ARHGAP6: variants seen among roughly 807,000 people sequenced by gnomAD.
ARHGAP6 encodes the protein Rho GTPase activating protein 6.
In ARHGAP6, 16 loss-of-function variants were observed where a neutral mutation model predicts 55.7. The ratio of observed to expected loss-of-function variants is 0.29; its 90% CI spans 0.19 to 0.44. The LOEUF (loss-of-function observed/expected upper bound fraction) is 0.44, where lower values mean the gene tolerates loss of function less well. ARHGAP6 is among the 20% of genes least tolerant of loss of function. The pLI, the probability that ARHGAP6 is intolerant of heterozygous loss-of-function variation, is 1.00. For missense variants in ARHGAP6, 698 were observed against 808.9 expected (o/e 0.86, Z 1.66); for synonymous variants, 382 against 360.9 (o/e 1.06, Z -0.66).
At chrX:11,297,284 A>G (rs1324741703) in intron 1 of ARHGAP6, among the ~76,000 whole-genome samples, 2 of 111,918 alleles carry the variant, frequency 1.8e-5, no homozygotes, top group Admixed American at 9.5e-5. Context: ...GGTATAGGAG[A>G]GACTCCGCAG....
At chrX:11,391,101 T>A (rs866193137) in intron 1 of ARHGAP6, among the ~76,000 whole-genome samples, 1 of 112,187 alleles carries the variant, frequency 8.9e-6, no homozygotes, top group South Asian at 3.7e-4. Flanking sequence ...TAAGAAAATG[T>A]GGCACATATA....
chrX:11,555,001 C>A (rs1461123057), intron 1 of ARHGAP6, among the ~76,000 whole-genome samples: 5 of 112,009 alleles, frequency 4.5e-5, no homozygotes, highest in African/African-American at 1.6e-4. Flanking sequence ...TTGTGCTGGG[C>A]TCCTTTTGGG....
chrX:11,288,354 T>C (rs755528977), intron 1 of ARHGAP6, among the ~76,000 whole-genome samples: 3 of 112,351 alleles, frequency 2.7e-5, no homozygotes, highest in East Asian at 5.6e-4. Context: ...ATCAACTTTA[T>C]CATCGTGGGG....
intron 2 of ARHGAP6, among the ~76,000 whole-genome samples, chrX:11,218,886 TTG>T (rs1475130039): frequency 1.8e-5 from 2 of 110,018 alleles, no homozygotes; most frequent in Non-Finnish European, 3.8e-5. Flanking sequence ...GCAGTCTATT[TTG>T]TTTTTTTTTT....
At chrX:11,151,720 A>G (rs757051572) in intron 10 of ARHGAP6, among the ~76,000 whole-genome samples, 8 of 112,270 alleles carry the variant, frequency 7.1e-5, no homozygotes, top group African/African-American at 2.6e-4. Context: ...AGAAATTATA[A>G]TATTTTCTTG....
chrX:11,220,895 G>T (rs2046960553), intron 2 of ARHGAP6, among the ~76,000 whole-genome samples: 1 of 109,003 alleles, frequency 9.2e-6, no homozygotes, highest in Non-Finnish European at 1.9e-5. Flanking sequence ...CCCATCTCAT[G>T]TGCAGAGACA....
chrX:11,162,966 C>T (rs770286851), intron 9 of ARHGAP6, among the ~76,000 whole-genome samples: 1 of 112,119 alleles, frequency 8.9e-6, no homozygotes, highest in African/African-American at 3.2e-5. Context: ...AGACATATTA[C>T]ATTTTTTAAA....
At position 11,369,725 on chromosome X, in the gene ARHGAP6, C is replaced by T. The variant is rs113419675; in HGVS notation, c.589-115018G>A. 7.2e-3 allele frequency among the ~76,000 whole-genome samples: 812 copies of T among 112,310 alleles called. 5 individuals are homozygous for T. Among genetic ancestry groups the T allele is most frequent in the Non-Finnish European group, 0.013 (673 of 53,258 alleles). ...GTGGTAGCTGAAATTGTCATCATCA[C>T]AGTTATCAAGTGTAGTTTGAATTCC... On this transcript the variant is annotated intron_variant, in intron 1 of 12. Transcript: ENST00000337414.
chrX:11,584,409 C>A (rs1363715270), intron 1 of ARHGAP6, among the ~76,000 whole-genome samples: 3 of 111,676 alleles, frequency 2.7e-5, no homozygotes, highest in Admixed American at 9.5e-5. Context: ...CTGAATTATT[C>A]TGTTTGATTA....
At chrX:11,646,644 G>A (rs1387044637) in intron 1 of ARHGAP6, among the ~76,000 whole-genome samples, 1 of 111,641 alleles carries the variant, frequency 9.0e-6, no homozygotes, top group African/African-American at 3.3e-5. Context: ...TCAACAAGTA[G>A]AAACATTTTG....
chrX:11,506,796 A>G (rs933401392), intron 1 of ARHGAP6, among the ~76,000 whole-genome samples: 1 of 111,412 alleles, frequency 9.0e-6, no homozygotes, highest in Admixed American at 9.5e-5. Context: ...CTAGTTCTAG[A>G]TCCTTGAGGA....
chrX:11,266,677 T>C lies in ARHGAP6; in HGVS notation c.589-11970A>G, dbSNP rs1053066517. ...CAATCGCGAATTACCTTGATCTCCATGCATTCCACATGGCACTGAACCAAA... is the reference window on the plus strand; with the variant it reads ...CAATCGCGAATTACCTTGATCTCCACGCATTCCACATGGCACTGAACCAAA... On this transcript the variant is annotated intron_variant, in intron 1 of 12. Transcript: ENST00000337414. Among the ~76,000 whole-genome samples the C allele has an allele frequency of 2.7e-5, 3 of 111,856 alleles. No individual in the cohort carries two copies. In the Admixed American group the frequency reaches 2.8e-4, roughly 11 times the overall value.
At chrX:11,315,432 T>C (rs1319910129) in intron 1 of ARHGAP6, among the ~76,000 whole-genome samples, 2 of 111,955 alleles carry the variant, frequency 1.8e-5, no homozygotes, top group Non-Finnish European at 1.9e-5. Flanking sequence ...CAGGCAGTAA[T>C]GCTCACTCCT....
At chrX:11,176,536 G>A (rs370852432) in intron 8 of ARHGAP6, among the ~76,000 whole-genome samples, 60 of 106,099 alleles carry the variant, frequency 5.7e-4, no homozygotes, top group South Asian at 3.0e-3. Context: ...CAATGAGTTC[G>A]ATTGGAACTT....
chrX:11,564,551 C>A (rs2051422270), intron 1 of ARHGAP6, among the ~76,000 whole-genome samples: 1 of 110,232 alleles, frequency 9.1e-6, no homozygotes, highest in African/African-American at 3.3e-5. Flanking sequence ...ATTAATTCAT[C>A]TGAACACAGT....
chrX:11,169,793 CA>C, intron 8 of ARHGAP6, 109 bp from the exon 9 acceptor site: 1 of 569,743 alleles, frequency 1.8e-6, no homozygotes, highest in Non-Finnish European at 2.6e-6. Flanking sequence ...TTTAATCCTG[CA>C]AGGATGCCAT....
chrX:11,442,876 A>G (rs977644052), intron 1 of ARHGAP6, among the ~76,000 whole-genome samples: 2 of 112,268 alleles, frequency 1.8e-5, no homozygotes, highest in African/African-American at 6.5e-5. Flanking sequence ...GGGACATGTC[A>G]TAGGCATCAT....
At chrX:11,651,655 G>A (rs768385633) in intron 1 of ARHGAP6, among the ~76,000 whole-genome samples, 43 of 111,599 alleles carry the variant, frequency 3.9e-4, no homozygotes, top group Non-Finnish European at 7.3e-4. Flanking sequence ...GGTATATACC[G>A]AGTAATGGGA....
chrX:11,158,886 G>A (rs28625269), intron 9 of ARHGAP6, among the ~76,000 whole-genome samples: 22,368 of 111,671 alleles, frequency 0.2, 1,670 homozygotes, highest in Middle Eastern at 0.33. Flanking sequence ...CATGAAGCTG[G>A]TAACAAATAT....
Sources: gnomAD v4.1 joint callset for allele counts (sites outside exome capture counted in the v4.1 genomes callset) on GRCh38, gnomAD v4.1.1 for gene constraint, MANE v1.5 for transcripts, NCBI Gene and HGNC (gene_info 2026-07-23, HGNC 2026-07-21) for gene names.